CNTNAP3B: variants seen among roughly 807,000 people sequenced by gnomAD.
The protein encoded by CNTNAP3B is contactin associated protein family member 3B.
A neutral mutation model predicts 108.9 loss-of-function variants in CNTNAP3B; 25 were observed. That is an observed-to-expected ratio of 0.23 (90% CI 0.17 to 0.32). The LOEUF (loss-of-function observed/expected upper bound fraction) is 0.32. Among genes scored for constraint, CNTNAP3B ranks in the 10% least tolerant of loss-of-function variants. The probability of loss-of-function intolerance (pLI) is 1.00; values close to 1 mark genes in which losing one functional copy is unlikely to be tolerated. For synonymous variants in CNTNAP3B, 103 were observed against 473.4 expected (o/e 0.22, Z 10.16); for missense variants, 252 against 1,210.4 (o/e 0.21, Z 11.75).
chr9:42,124,747 C>T (rs1477289387), intron 1 of CNTNAP3B, among the ~76,000 whole-genome samples: 2 of 125,018 alleles, frequency 1.6e-5, no homozygotes, highest in East Asian at 5.0e-4. Context: ...ATGTCCTAGG[C>T]AATAAACTTC....
At chr9:42,002,929 C>G (rs1378813199) in intron 4 of CNTNAP3B, among the ~76,000 whole-genome samples, 1 of 127,846 alleles carries the variant, frequency 7.8e-6, no homozygotes, top group Non-Finnish European at 1.6e-5. Flanking sequence ...CTCCGTTGCC[C>G]ATGCTGTAGT....
At chr9:41,934,140 T>TATACACAC (rs1824076436) in intron 14 of CNTNAP3B, among the ~76,000 whole-genome samples, 1 of 113,366 alleles carries the variant, frequency 8.8e-6, no homozygotes, top group Non-Finnish European at 1.9e-5. Context: ...CATATATATA[T>TATACACAC]ACACACACAT....
chr9:41,950,747 C>CTTTTTTT (rs1196034038), intron 13 of CNTNAP3B, among the ~76,000 whole-genome samples: 3 of 92,416 alleles, frequency 3.2e-5, no homozygotes, highest in East Asian at 3.6e-4. Flanking sequence ...AGGAGGAATT[C>CTTTTTTT]TTTTTTTTTT....
intron 14 of CNTNAP3B, among the ~76,000 whole-genome samples, chr9:41,935,024 TTA>T (rs1824113338): frequency 6.6e-6 from 1 of 152,016 alleles, no homozygotes; most frequent in Admixed American, 6.6e-5. Flanking sequence ...GACAGCTGAA[TTA>T]TATGTTATAT....
intron 9 of CNTNAP3B, among the ~76,000 whole-genome samples, chr9:41,973,177 G>A (rs1825457108): frequency 7.0e-6 from 1 of 142,648 alleles, no homozygotes; most frequent in African/African-American, 2.6e-5. Context: ...TTGATCTCCT[G>A]ACCTCGTGAT....
intron 2 of CNTNAP3B, among the ~76,000 whole-genome samples, chr9:42,089,198 AAAGGG>A (rs1827767938): frequency 8.7e-6 from 1 of 114,874 alleles, no homozygotes; most frequent in Non-Finnish European, 1.8e-5. Context: ...AAGAAGGGGA[AAAGGG>A]AGGGGAGGGG....
intron 13 of CNTNAP3B, among the ~76,000 whole-genome samples, chr9:41,945,434 C>T (rs1824501954): frequency 6.6e-6 from 1 of 152,308 alleles, no homozygotes; most frequent in Non-Finnish European, 1.5e-5. Flanking sequence ...TACTATGCAG[C>T]CATGAAAAAG....
intron 3 of CNTNAP3B, among the ~76,000 whole-genome samples, chr9:42,041,687 T>G (rs1414553765): frequency 7.0e-6 from 1 of 142,010 alleles, no homozygotes; most frequent in African/African-American, 2.7e-5. Flanking sequence ...TGGCAATTCC[T>G]CAAGGATCTA....
rs1403523861 is a variant in CNTNAP3B at position 42,121,807 on chromosome 9, C to G, written c.85+7203G>C. Among the ~76,000 whole-genome samples the G allele has an allele frequency of 2.8e-5, 4 of 140,480 alleles. 1 individual carries two copies. Among genetic ancestry groups the G allele is most frequent in the African/African-American group, 1.1e-4 (4 of 35,754 alleles). 92.2% of individuals were successfully genotyped at this position (140,480 alleles called of 152,430 possible). On this transcript the variant is annotated intron_variant, in intron 1 of 23. Coordinates refer to ENST00000377561, the MANE Select transcript of CNTNAP3B (RefSeq NM_001201380.3). ...ATGAAGAAGATGACCATTGCACAGA[C>G]AAGTACACTGTGAAGAACCGTGAGG... is the stretch of plus-strand genomic sequence containing the variant.
At chr9:41,991,011 AG>A (rs906593159) in intron 8 of CNTNAP3B, among the ~76,000 whole-genome samples, 1 of 134,284 alleles carries the variant, frequency 7.4e-6, no homozygotes, top group Non-Finnish European at 1.6e-5. Context: ...CCACTTCACA[AG>A]TGAAAACAGC....
chr9:41,934,360 A>T (rs1036766137), intron 14 of CNTNAP3B, among the ~76,000 whole-genome samples: 2 of 152,184 alleles, frequency 1.3e-5, no homozygotes, highest in African/African-American at 4.8e-5. Context: ...CTGGGACTAC[A>T]GGCGCCCACC....
In CNTNAP3B at chr9:42,063,774, T is replaced by G. The variant is rs180862735; in HGVS notation, c.390+13095A>C. Among the ~76,000 whole-genome samples the G allele has an allele frequency of 6.9e-3, 984 of 143,174 alleles. 9 individuals carry two copies. Among genetic ancestry groups the G allele is most frequent in the Non-Finnish European group, 0.011 (741 of 65,872 alleles). The allele number at this position is 143,174 out of a possible 152,430, so 93.9% of individuals were successfully genotyped here. On this transcript the variant is annotated intron_variant, in intron 3 of 23. Coordinates refer to ENST00000377561, the MANE Select transcript of CNTNAP3B (RefSeq NM_001201380.3). ...ACTGGATCTATTAGCCAGGCTGGAGTGCAATAGCATGATCATGGCTCACTG... is the reference window on the plus strand; with the variant it reads ...ACTGGATCTATTAGCCAGGCTGGAGGGCAATAGCATGATCATGGCTCACTG...
At chr9:41,948,230 T>C (rs1223900844) in intron 13 of CNTNAP3B, among the ~76,000 whole-genome samples, 1 of 144,178 alleles carries the variant, frequency 6.9e-6, no homozygotes, top group Non-Finnish European at 1.5e-5. Context: ...TAGCTGGGAT[T>C]ATAGGTGTGT....
At chr9:42,095,129 C>T (rs1827873777) in intron 2 of CNTNAP3B, among the ~76,000 whole-genome samples, 2 of 135,962 alleles carry the variant, frequency 1.5e-5, no homozygotes, top group East Asian at 4.5e-4. Context: ...TTATTCCTAT[C>T]TACCCAAAAC....
chr9:41,940,381 C>G (rs1587125182), intron 13 of CNTNAP3B, among the ~76,000 whole-genome samples: 1 of 152,274 alleles, frequency 6.6e-6, no homozygotes, highest in African/African-American at 2.4e-5. Flanking sequence ...GTAAAAGAAC[C>G]CTAATTTGAA....
At chr9:41,997,429 A>T in intron 6 of CNTNAP3B, 139 bp downstream of exon 6, 2 of 1,280,698 alleles carry the variant, frequency 1.6e-6, no homozygotes, top group Non-Finnish European at 2.1e-6. Context: ...AGAAGGCATA[A>T]ACAGTTTCAT....
At chr9:41,915,745 T>G (rs1365344051) in intron 18 of CNTNAP3B, among the ~76,000 whole-genome samples, 5 of 32,160 alleles carry the variant, frequency 1.6e-4, no homozygotes, top group African/African-American at 3.3e-4. Flanking sequence ...GATAATCATG[T>G]TTTTTTTTCC....
At chr9:42,033,165 T>C (rs1314328462) in intron 3 of CNTNAP3B, among the ~76,000 whole-genome samples, 22 of 138,048 alleles carry the variant, frequency 1.6e-4, no homozygotes, top group Admixed American at 1.5e-3. Flanking sequence ...CTTTCTAAAG[T>C]TAGGCTTTAC....
intron 12 of CNTNAP3B, among the ~76,000 whole-genome samples, chr9:41,957,987 C>A (rs368850088): frequency 2.3e-3 from 345 of 151,926 alleles, no homozygotes; most frequent in Middle Eastern, 6.8e-3. Flanking sequence ...TGGTCTCGAT[C>A]TCCTGACCTC....
Sources: gnomAD v4.1 joint callset for allele counts (sites outside exome capture counted in the v4.1 genomes callset) on GRCh38, gnomAD v4.1.1 for gene constraint, MANE v1.5 for transcripts, NCBI Gene and HGNC (gene_info 2026-07-23, HGNC 2026-07-21) for gene names.